Variants in ZNF568 observed in about 807,000 individuals in gnomAD.
The protein encoded by ZNF568 is p53 inhibitor of SCO2 activation.
ZNF568 carries 11 observed loss-of-function variants against 18.1 expected under a neutral mutation model. The ratio of observed to expected loss-of-function variants is 0.61; its 90% CI spans 0.38 to 1.00. The LOEUF (loss-of-function observed/expected upper bound fraction) is 1.00, where lower values mean the gene tolerates loss of function less well. Among genes scored for constraint, ZNF568 ranks in the 50% least tolerant of loss-of-function variants. The pLI is 0.01. For missense variants in ZNF568, 639 were observed against 768.2 expected (o/e 0.83, Z 1.99); for synonymous variants, 213 against 246.6 (o/e 0.86, Z 1.28).
intron 4 of ZNF568, among the ~76,000 whole-genome samples, chr19:36,928,540 G>A (rs826262): frequency 0.36 from 55,033 of 151,942 alleles, 10,265 homozygotes; most frequent in African/African-American, 0.41. Context: ...CTACTACTAC[G>A]ATTTTGTATG....
At chr19:36,936,976 C>T (rs1217264028) in intron 5 of ZNF568, 104 bp downstream of exon 5, 3 of 1,457,814 alleles carry the variant, frequency 2.1e-6, no homozygotes, top group African/African-American at 1.4e-5. Flanking sequence ...TTCCTTTCTC[C>T]ATGTGACTAT....
chr19:36,927,355 T>C (rs1241492633), intron 4 of ZNF568, among the ~76,000 whole-genome samples: 1 of 152,168 alleles, frequency 6.6e-6, no homozygotes, highest in Non-Finnish European at 1.5e-5. Flanking sequence ...TCCAACTGGA[T>C]TATAATATTG....
At position 36,951,222 on chromosome 19, in the gene ZNF568, A is replaced by C; in HGVS notation, c.*134A>C. The C allele has an allele frequency of 1.2e-6, 1 of 826,686 alleles. No individual in the cohort carries two copies. Among genetic ancestry groups the C allele is most frequent in the South Asian group, 3.3e-5 (1 of 30,528 alleles). The allele number at this position is 826,686 out of a possible 1,614,324, so 51.2% of individuals were successfully genotyped here. On this transcript the variant is annotated 3_prime_UTR_variant, in exon 7 of 7. Transcript: ENST00000333987. ...TGTAAGACTGGAATAAATGGAAAGAAATACCATATACATAGATGGAAAAAC... is the reference window on the plus strand; with the variant it reads ...TGTAAGACTGGAATAAATGGAAAGACATACCATATACATAGATGGAAAAAC...
rs1271790366 is a variant in ZNF568 at position 36,922,875 on chromosome 19, T to G, written c.76+29T>G. 6 of 1,606,230 alleles carry G rather than the reference T, an allele frequency of 3.7e-6. No homozygotes were observed. The Admixed American group carries it at 1.0e-4, about 27-fold the overall frequency. Reference sequence around the variant, plus strand: ...AGGTGGCTCATAGGTGGACAGAGCTTAGGAGAGAAAGGCTCTACATTTGGG... The same window carrying G: ...AGGTGGCTCATAGGTGGACAGAGCTGAGGAGAGAAAGGCTCTACATTTGGG... On this transcript the variant is annotated intron_variant, in intron 3 of 6. Coordinates refer to ENST00000333987, the MANE Select transcript of ZNF568 (RefSeq NM_198539.4).
intron 4 of ZNF568, among the ~76,000 whole-genome samples, chr19:36,935,631 A>G (rs2073777564): frequency 6.6e-6 from 1 of 151,356 alleles, no homozygotes; most frequent in South Asian, 2.1e-4. Context: ...TCTGCCTTCA[A>G]TTCTGTATTT....
Position 36,928,539 on chromosome 19 carries a change from C to T in ZNF568, c.135+3281C>T, listed in dbSNP as rs145868372. On this transcript the variant is annotated intron_variant, in intron 4 of 6. Coordinates refer to ENST00000333987, the MANE Select transcript of ZNF568 (RefSeq NM_198539.4). ...AACCAGCTTGCCAGTGCTACTACTA[C>T]GATTTTGTATGCCTAGACATAAGTA... Among the ~76,000 whole-genome samples, 963 of 152,170 alleles carry T rather than the reference C, an allele frequency of 6.3e-3. 29 individuals are homozygous for T. The highest frequency in any genetic ancestry group is 0.052 in the East Asian group (269 of 5,174).
chr19:36,952,089 GTATA>G lies in ZNF568; in HGVS notation c.*1006_*1009del, dbSNP rs35161275. The G allele has an allele frequency of 0.58, 507,598 of 880,474 alleles. 149,057 individuals carry two copies. Among genetic ancestry groups the G allele is most frequent in the African/African-American group, 0.69 (34,446 of 49,816 alleles). 54.5% of individuals were successfully genotyped at this position (880,474 alleles called of 1,614,324 possible). A position where few individuals can be genotyped will look rare whatever the true frequency, so the allele number is the denominator to read the frequency against. ...AAGGACTCTGTAATTCCACTTCTAG[GTATA>G]TATACATCCTATAGAAACTCACAAA... On this transcript the variant is annotated 3_prime_UTR_variant, in exon 7 of 7. Transcript: ENST00000333987.
Position 36,951,035 on chromosome 19 carries a change from T to C in ZNF568, c.1882T>C (p.Ser628Pro). 8 of 1,606,114 alleles carry C rather than the reference T, an allele frequency of 5.0e-6. No individual in the cohort carries two copies. Among genetic ancestry groups the C allele is most frequent in the Non-Finnish European group, 6.8e-6 (8 of 1,176,746 alleles). The change falls in exon 7 of 7, where the codon TCC becomes CCC. Residue 628 changes from serine (S) to proline (P), a missense_variant. Transcript: ENST00000333987. Reference sequence around the variant, plus strand: ...TGGGAAAGCATTCTCTCAAAGAGCATCCCTTTCTATACATAAGAGAGGTCA... The same window carrying C: ...TGGGAAAGCATTCTCTCAAAGAGCACCCCTTTCTATACATAAGAGAGGTCA... The part of the protein sequence containing the change: ...ECGKAFSQRA[S>P]LSIHKRGHTG...
In ZNF568 at chr19:36,949,681, T is replaced by C. The variant is rs531131291; in HGVS notation, c.528T>C (p.Tyr176=). 6.2e-7 allele frequency: 1 copy of C among 1,613,796 alleles called. No homozygotes were observed. The highest frequency in any genetic ancestry group is 1.1e-5 in the South Asian group (1 of 91,014). Residue 176 remains tyrosine, a synonymous_variant, in exon 7 of 7, where the codon TAT becomes TAC. Coordinates refer to ENST00000333987, the MANE Select transcript of ZNF568 (RefSeq NM_198539.4). ...SDIVTSRQSF[Y]DCDSLDKGLE... ...TTGTTACTTCAAGACAAAGCTTCTATGACTGTGACTCACTTGATAAGGGTT... is the reference window on the plus strand; with the variant it reads ...TTGTTACTTCAAGACAAAGCTTCTACGACTGTGACTCACTTGATAAGGGTT...
At chr19:36,933,775 T>C (rs1201367544) in intron 4 of ZNF568, among the ~76,000 whole-genome samples, 1 of 151,930 alleles carries the variant, frequency 6.6e-6, no homozygotes, top group Non-Finnish European at 1.5e-5. Flanking sequence ...AAAAGATGTG[T>C]CCCCTCCTTT....
chr19:36,920,365 A>C (rs1004706476), intron 2 of ZNF568, among the ~76,000 whole-genome samples: 10 of 152,130 alleles, frequency 6.6e-5, no homozygotes, highest in African/African-American at 2.4e-4. Flanking sequence ...GCTCACCCCT[A>C]TAATCCCAGC....
chr19:36,991,959 G>C lies in ZNF568; in HGVS notation c.229+113G>C. 5 of 773,150 alleles carry C rather than the reference G, an allele frequency of 6.5e-6. No homozygotes were observed. The South Asian group carries it at 8.4e-5, about 13-fold the overall frequency. 47.9% of individuals were successfully genotyped at this position (773,150 alleles called of 1,614,324 possible). A position where few individuals can be genotyped will look rare whatever the true frequency, so the allele number is the denominator to read the frequency against. On this transcript the variant is annotated intron_variant, in intron 4 of 4. Coordinates refer to the ZNF568 transcript ENST00000433993. ...AGGAAAGCTGCCTAAAAAGGCTTGA[G>C]ATCTGGGGAAGAAAGTAAGGATGTT...
At chr19:36,934,303 TC>T (rs1383261079) in intron 4 of ZNF568, among the ~76,000 whole-genome samples, 2 of 142,988 alleles carry the variant, frequency 1.4e-5, no homozygotes, top group African/African-American at 2.5e-5. Context: ...TCTTCTAGTA[TC>T]TTTTTTTTTT....
Position 36,951,114 on chromosome 19 carries a change from C to T in ZNF568, c.*26C>T. On this transcript the variant is annotated 3_prime_UTR_variant, in exon 7 of 7. Transcript: ENST00000333987. ...ATGAAAGAAGGCCTCTTAAATTCAA[C>T]CCATGTTTTACTTAAAATATCTTGG... 6.8e-7 allele frequency: 1 copy of T among 1,481,066 alleles called. No homozygotes were observed. Among genetic ancestry groups the T allele is most frequent in the Non-Finnish European group, 8.9e-7 (1 of 1,119,630 alleles). The allele number at this position is 1,481,066 out of a possible 1,614,324, so 91.7% of individuals were successfully genotyped here. A position where few individuals can be genotyped will look rare whatever the true frequency, so the allele number is the denominator to read the frequency against.
At chr19:36,968,723 C>CA (rs990557222) in intron 6 of ZNF568, among the ~76,000 whole-genome samples, 265 of 122,364 alleles carry the variant, frequency 2.2e-3, no homozygotes, top group Middle Eastern at 8.5e-3. Context: ...CTCACTGCCT[C>CA]AAAAAAAAAA....
chr19:36,919,700 G>A (rs998853389), intron 2 of ZNF568, among the ~76,000 whole-genome samples: 2 of 152,032 alleles, frequency 1.3e-5, no homozygotes, highest in African/African-American at 4.8e-5. Context: ...GTACCGGTAC[G>A]TGGCCCAGGG....
At chr19:36,969,893 C>T (rs1390842509) in intron 6 of ZNF568, among the ~76,000 whole-genome samples, 1 of 85,824 alleles carries the variant, frequency 1.2e-5, no homozygotes, top group African/African-American at 4.9e-5. Context: ...CTCCCGAGTA[C>T]CTAGGACTAC....
At chr19:36,994,348 T>C (rs2146352003) in intron 4 of ZNF568, among the ~76,000 whole-genome samples, 1 of 152,348 alleles carries the variant, frequency 6.6e-6, no homozygotes, top group Admixed American at 6.5e-5. Flanking sequence ...CTGAAAAATG[T>C]TCCATACATG....
At chr19:36,936,159 C>G (rs1354411648) in intron 4 of ZNF568, among the ~76,000 whole-genome samples, 1 of 152,062 alleles carries the variant, frequency 6.6e-6, no homozygotes, top group Non-Finnish European at 1.5e-5. Flanking sequence ...TGTATCTTAT[C>G]AGAACCTACT....
Sources: allele counts gnomAD v4.1 joint callset (sites outside exome capture counted in the v4.1 genomes callset), GRCh38; gene constraint gnomAD v4.1.1; transcripts MANE v1.5; gene names NCBI Gene and HGNC (gene_info 2026-07-23, HGNC 2026-07-21).